Variants in MIA2 observed in about 807,000 individuals in gnomAD.
MIA2 encodes the protein MIA SH3 domain ER export factor 2, also known as melanoma inhibitory activity protein 2.
A neutral mutation model predicts 167.8 loss-of-function variants in MIA2; 127 were observed. That is an observed-to-expected ratio of 0.76 (90% CI 0.66 to 0.88). The LOEUF (loss-of-function observed/expected upper bound fraction) is 0.88, where lower values mean the gene tolerates loss of function less well. Among genes scored for constraint, MIA2 ranks in the 40% least tolerant of loss-of-function variants. The pLI, the probability that MIA2 is intolerant of heterozygous loss-of-function variation, is 0.00. For synonymous variants in MIA2, 552 were observed against 541.9 expected, an observed-to-expected ratio of 1.02 and a Z score of -0.26; for missense variants, 1,690 against 1,624.7, an observed-to-expected ratio of 1.04 and a Z score of -0.69.
intron 25 of MIA2, among the ~76,000 whole-genome samples, chr14:39,336,427 C>T (rs576530007): frequency 2.6e-5 from 4 of 152,284 alleles, no homozygotes; most frequent in African/African-American, 9.6e-5. Context: ...CAGTAGCAGA[C>T]TCAATCTTAT....
At chr14:39,314,836 G>A (rs559088256) in intron 20 of MIA2, 37 bp downstream of exon 20, 204 of 996,894 alleles carry the variant, frequency 2.0e-4, no homozygotes, top group Admixed American at 1.5e-3. Context: ...GTGTGTGTGT[G>A]TATATATATA....
At chr14:39,281,172 G>A (rs906913471) in intron 9 of MIA2, among the ~76,000 whole-genome samples, 2 of 151,990 alleles carry the variant, frequency 1.3e-5, no homozygotes, top group African/African-American at 4.8e-5. Context: ...CAATCCTCCC[G>A]TCTTGGCTTC....
intron 23 of MIA2, among the ~76,000 whole-genome samples, chr14:39,368,423 G>C (rs1242876257): frequency 1.3e-5 from 2 of 152,176 alleles, no homozygotes; most frequent in Admixed American, 6.5e-5. Flanking sequence ...GCTGTGTTCT[G>C]TCCTTGGCTT....
chr14:39,302,434 CAGTA>C (rs2062671419), intron 15 of MIA2, among the ~76,000 whole-genome samples, 185 bp downstream of exon 15: 1 of 152,200 alleles, frequency 6.6e-6, no homozygotes, highest in Non-Finnish European at 1.5e-5. Context: ...ACTGCCTTTT[CAGTA>C]AGTCTTTCTC....
At chr14:39,269,502 A>G (rs1035591709) in intron 6 of MIA2, among the ~76,000 whole-genome samples, 1 of 150,746 alleles carries the variant, frequency 6.6e-6, no homozygotes, top group Non-Finnish European at 1.5e-5. Flanking sequence ...CATGTAACAG[A>G]GCTTCATTTC....
chr14:39,246,543 CTCTA>C (rs1436178319), intron 3 of MIA2, among the ~76,000 whole-genome samples: 1 of 152,138 alleles, frequency 6.6e-6, no homozygotes, highest in South Asian at 2.1e-4. Context: ...CATAGCGAGA[CTCTA>C]TCTTCACAAT....
intron 25 of MIA2, among the ~76,000 whole-genome samples, chr14:39,333,785 G>T (rs975131700): frequency 7.9e-5 from 12 of 152,128 alleles, no homozygotes; most frequent in African/African-American, 2.9e-4. Flanking sequence ...AGGAGAGTCA[G>T]TCTGAATTTA....
At chr14:39,236,120 T>C (rs931397351) in intron 1 of MIA2, among the ~76,000 whole-genome samples, 1 of 152,138 alleles carries the variant, frequency 6.6e-6, no homozygotes, top group Non-Finnish European at 1.5e-5. Context: ...AGATGTAAGA[T>C]AAGTTTCTTC....
At chr14:39,347,192 A>G (rs2073463719) in intron 26 of MIA2, among the ~76,000 whole-genome samples, 1 of 152,174 alleles carries the variant, frequency 6.6e-6, no homozygotes, top group Non-Finnish European at 1.5e-5. Flanking sequence ...GTGACTTCCA[A>G]GGACAGATGT....
At chr14:39,277,710 ATATATGTGTG>A (rs2058280386) in intron 7 of MIA2, among the ~76,000 whole-genome samples, 3 of 6,432 alleles carry the variant, frequency 4.7e-4, no homozygotes, top group Non-Finnish European at 5.1e-4. Flanking sequence ...ATATATATAT[ATATATGTGTG>A]TATATATATA....
intron 19 of MIA2, 137 bp downstream of exon 19, chr14:39,313,578 A>G (rs1352385428): frequency 1.2e-5 from 6 of 492,326 alleles, no homozygotes; most frequent in Non-Finnish European, 2.2e-5. Flanking sequence ...AAAAAATAAT[A>G]TATTTTTGTC....
intron 18 of MIA2, 144 bp from the exon 19 acceptor site, chr14:39,313,196 C>CTT: frequency 2.4e-6 from 1 of 417,852 alleles, no homozygotes; most frequent in African/African-American, 2.1e-5. Context: ...TACACAGATA[C>CTT]TTTTTTTTTC....
intron 23 of MIA2, among the ~76,000 whole-genome samples, chr14:39,382,953 G>GGT (rs773698783): frequency 2.7e-5 from 2 of 75,054 alleles, no homozygotes; most frequent in Non-Finnish European, 5.0e-5. Flanking sequence ...TATGGCCACA[G>GGT]TTTTTTTTTT....
intron 23 of MIA2, among the ~76,000 whole-genome samples, chr14:39,367,858 T>G (rs569737450): frequency 1.3e-5 from 2 of 152,286 alleles, no homozygotes; most frequent in South Asian, 4.1e-4. Context: ...GATCTGTGGT[T>G]GATTGATTCT....
intron 25 of MIA2, among the ~76,000 whole-genome samples, chr14:39,328,478 CAT>C (rs745616033): frequency 1.1e-4 from 16 of 152,292 alleles, no homozygotes; most frequent in South Asian, 2.1e-4. Flanking sequence ...AATTATATCT[CAT>C]GTGTCAATTT....
intron 6 of MIA2, 68 bp from the exon 7 acceptor site, chr14:39,276,866 C>A: frequency 6.4e-7 from 1 of 1,554,148 alleles, no homozygotes; most frequent in Non-Finnish European, 8.8e-7. Context: ...TAAACTTGTA[C>A]CTATGTTTGT....
intron 9 of MIA2, among the ~76,000 whole-genome samples, chr14:39,286,570 A>G (rs957542643): frequency 2.0e-5 from 3 of 152,106 alleles, no homozygotes; most frequent in Non-Finnish European, 4.4e-5. Flanking sequence ...CAGTTATTAT[A>G]TCTGTATTTT....
chr14:39,264,348 G>T (rs778134304), intron 6 of MIA2, among the ~76,000 whole-genome samples: 19 of 152,134 alleles, frequency 1.2e-4, no homozygotes, highest in Non-Finnish European at 2.8e-4. Context: ...ATGCACCGTT[G>T]ATGGGCACCT....
Position 39,302,296 on chromosome 14 carries a change from C to G in MIA2, c.2740+47C>G, listed in dbSNP as rs774863352. ...CCTTTTGCTAAAATGGTGACTAGCT[C>G]TTCTATTTCCTTTTCGTTCCCTGTG... is the stretch of plus-strand genomic sequence containing the variant. On this transcript the variant is annotated intron_variant, in intron 15 of 28. Transcript: ENST00000640607. The G allele has an allele frequency of 1.8e-5, 29 of 1,597,344 alleles. No homozygotes were observed. The African/African-American group carries it at 3.9e-4, about 21-fold the overall frequency.
Sources: gnomAD v4.1 joint callset for allele counts (sites outside exome capture counted in the v4.1 genomes callset) on GRCh38, gnomAD v4.1.1 for gene constraint, MANE v1.5 for transcripts, NCBI Gene and HGNC (gene_info 2026-07-23, HGNC 2026-07-21) for gene names.